Variants in METTL8 observed in about 807,000 individuals in gnomAD.
METTL8 encodes the protein methyltransferase 8, tRNA N3-cytidine.
METTL8 carries 32 observed loss-of-function variants against 48.7 expected under a neutral mutation model. That is an observed-to-expected ratio of 0.66 (90% CI 0.50 to 0.88). The LOEUF is 0.88. Among genes scored for constraint, METTL8 ranks in the 40% least tolerant of loss-of-function variants. The pLI is 0.00. For synonymous variants in METTL8, 136 were observed against 157.1 expected, an observed-to-expected ratio of 0.87 and a Z score of 1.01; for missense variants, 464 against 474.4, an observed-to-expected ratio of 0.98 and a Z score of 0.20.
chr2:171,344,763 C>T (rs1040687640), intron 3 of METTL8, among the ~76,000 whole-genome samples: 6 of 152,164 alleles, frequency 3.9e-5, no homozygotes, highest in African/African-American at 1.4e-4. Context: ...CTGGCAACTC[C>T]ATAGTTCCCA....
Position 171,319,706 on chromosome 2 carries a change from C to T in METTL8, c.*4466G>A, listed in dbSNP as rs533117525. ...TTCAATACAGGCAAATGTGTCATAC[C>T]GAATGCAAAACTTTTAATAATAGAA... On this transcript the variant is annotated 3_prime_UTR_variant, in exon 10 of 10. Transcript: ENST00000375258. 1.3e-5 allele frequency: 2 copies of T among 152,106 alleles called. No homozygotes were observed. The highest frequency in any genetic ancestry group is 2.9e-5 in the Non-Finnish European group (2 of 68,032). The allele number at this position is 152,106 out of a possible 1,614,324, so 9.4% of individuals were successfully genotyped here.
chr2:171,434,132 C>T (rs1032027067), upstream of METTL8: 2 of 344,122 alleles, frequency 5.8e-6, no homozygotes, highest in Non-Finnish European at 1.1e-5. Context: ...ACAGCGCAGC[C>T]TCCGCGGGCC....
intron 2 of METTL8, among the ~76,000 whole-genome samples, chr2:171,370,170 CAA>C (rs1686170936): frequency 6.6e-6 from 1 of 151,902 alleles, no homozygotes; most frequent in Non-Finnish European, 1.5e-5. Flanking sequence ...GACAACCAAA[CAA>C]ATATTAATAT....
chr2:171,363,817 T>TATC (rs1228494441), intron 2 of METTL8, among the ~76,000 whole-genome samples: 10 of 129,054 alleles, frequency 7.7e-5, no homozygotes, highest in East Asian at 4.2e-4. Flanking sequence ...TATATATATC[T>TATC]TTTTTTTTTT....
intron 1 of METTL8, among the ~76,000 whole-genome samples, chr2:171,418,623 C>T (rs1691561817): frequency 6.6e-6 from 1 of 151,996 alleles, no homozygotes; most frequent in African/African-American, 2.4e-5. Context: ...AGTTATTTTG[C>T]TGCTCAAATT....
chr2:171,409,909 A>C (rs965903752), intron 1 of METTL8, among the ~76,000 whole-genome samples: 4 of 152,218 alleles, frequency 2.6e-5, no homozygotes, highest in Admixed American at 2.0e-4. Context: ...GTCTACGGTC[A>C]GGCCGGAAAG....
In METTL8 at chr2:171,316,321, C is replaced by T. The variant is rs1194773910; in HGVS notation, c.*7851G>A. On this transcript the variant is annotated 3_prime_UTR_variant, in exon 10 of 10. Transcript: ENST00000375258. The stretch of plus-strand genomic sequence containing the variant: ...TTGCTACTGAGCCAAACTGTAAAGG[C>T]CAGTCAGGAAATGAGCAGCAGTGCT... 6.6e-6 allele frequency among the ~76,000 whole-genome samples: 1 copy of T among 152,156 alleles called. No individual in the cohort carries two copies. Among genetic ancestry groups the T allele is most frequent in the East Asian group, 1.9e-4 (1 of 5,200 alleles).
chr2:171,359,017 A>G (rs548290947), intron 3 of METTL8, among the ~76,000 whole-genome samples: 1 of 152,134 alleles, frequency 6.6e-6, no homozygotes, highest in South Asian at 2.1e-4. Flanking sequence ...AGGTTGGGGC[A>G]GTGGCTCACT....
At chr2:171,325,989 C>A (rs1684912228) in intron 8 of METTL8, 53 bp downstream of exon 8, 1 of 1,350,912 alleles carries the variant, frequency 7.4e-7, no homozygotes, top group Non-Finnish European at 1.0e-6. Context: ...GAAATATAAA[C>A]AAGGCATTCT....
intron 3 of METTL8, among the ~76,000 whole-genome samples, chr2:171,341,834 T>TACACAC (rs56145145): frequency 0.011 from 1,602 of 147,280 alleles, 14 homozygotes; most frequent in African/African-American, 0.03. Context: ...AATATTCATG[T>TACACAC]ACACACACAC....
chr2:171,391,282 T>C (rs1255955088), intron 2 of METTL8, among the ~76,000 whole-genome samples: 2 of 152,214 alleles, frequency 1.3e-5, no homozygotes, highest in African/African-American at 4.8e-5. Flanking sequence ...GAGACTACAG[T>C]ATAGTGTAAA....
chr2:171,432,714 T>C (rs1273935165), intron 1 of METTL8, among the ~76,000 whole-genome samples: 6 of 152,178 alleles, frequency 3.9e-5, no homozygotes, highest in Admixed American at 3.9e-4. Flanking sequence ...TAAAAAGAGA[T>C]ATGGCCAATG....
In METTL8 at chr2:171,315,976, G is replaced by A. The variant is rs1684244927; in HGVS notation, c.*8196C>T. On this transcript the variant is annotated 3_prime_UTR_variant, in exon 10 of 10. Coordinates refer to ENST00000375258, the MANE Select transcript of METTL8 (RefSeq NM_001321154.2). ...CACTTGCCAATGACACTGGAGTAGG[G>A]GTAAGCCCTGGGTGTGTTGTGTAGT... is the stretch of plus-strand genomic sequence containing the variant. Among the ~76,000 whole-genome samples, 1 of 152,208 alleles carries A rather than the reference G, an allele frequency of 6.6e-6. No individual in the cohort carries two copies. Among genetic ancestry groups the A allele is most frequent in the South Asian group, 2.1e-4 (1 of 4,834 alleles).
intron 3 of METTL8, among the ~76,000 whole-genome samples, chr2:171,358,549 A>T (rs1270659811): frequency 6.6e-6 from 1 of 152,182 alleles, no homozygotes; most frequent in Non-Finnish European, 1.5e-5. Flanking sequence ...TGTCAAGTAC[A>T]TATGATGGGG....
At chr2:171,394,803 T>TACATAAAACAA (rs1445937618) in intron 1 of METTL8, among the ~76,000 whole-genome samples, 1 of 152,226 alleles carries the variant, frequency 6.6e-6, no homozygotes, top group Admixed American at 6.5e-5. Context: ...CATGAATTGT[T>TACATAAAACAA]TGACTGATTA....
chr2:171,391,499 C>T (rs191679036), intron 2 of METTL8, among the ~76,000 whole-genome samples: 31 of 152,290 alleles, frequency 2.0e-4, no homozygotes, highest in Non-Finnish European at 4.0e-4. Context: ...TCTCATATGG[C>T]ATATAGTCTG....
At position 171,326,123 on chromosome 2, in the gene METTL8, A is replaced by G. The variant is rs1278602290; in HGVS notation, c.886T>C (p.Ser296Pro). 1 of 1,546,318 alleles carries G rather than the reference A, an allele frequency of 6.5e-7. No homozygotes were observed. The highest frequency in any genetic ancestry group is 2.4e-5 in the East Asian group (1 of 40,862). ...DRMQGVVNRL[S>P]KLLKPGGMLL... ...ATTCCCCCAGGTTTCAGTAACTTGG[A>G]CAGTCGGTTTACAACACCTTGCATC... Residue 296 changes from serine (S) to proline (P), a missense_variant, in exon 8 of 10, where the codon TCC (serine) becomes CCC (proline). Coordinates refer to ENST00000375258, the MANE Select transcript of METTL8 (RefSeq NM_001321154.2).
chr2:171,398,762 T>C (rs1382290599), intron 1 of METTL8, among the ~76,000 whole-genome samples: 1 of 152,212 alleles, frequency 6.6e-6, no homozygotes, highest in Non-Finnish European at 1.5e-5. Flanking sequence ...TGCTTGCCTA[T>C]GGCAACCACT....
rs762390018 is a variant in METTL8 at position 171,320,463 on chromosome 2, G to A, written c.*3709C>T. 7.9e-5 allele frequency: 12 copies of A among 152,198 alleles called. No homozygotes were observed. Among genetic ancestry groups the A allele is most frequent in the Non-Finnish European group, 1.3e-4 (9 of 68,034 alleles). The allele number at this position is 152,198 out of a possible 1,614,324, so 9.4% of individuals were successfully genotyped here. On this transcript the variant is annotated 3_prime_UTR_variant, in exon 10 of 10. Coordinates refer to ENST00000375258, the MANE Select transcript of METTL8 (RefSeq NM_001321154.2). ...GCTTGAATCCGCTATTTAGAACTGA[G>A]AGAGACAGTACAATTTACATGTGTG...
Sources: allele counts gnomAD v4.1 joint callset (sites outside exome capture counted in the v4.1 genomes callset), GRCh38; gene constraint gnomAD v4.1.1; transcripts MANE v1.5; gene names NCBI Gene and HGNC (gene_info 2026-07-23, HGNC 2026-07-21).